Variants in NTM observed in about 807,000 individuals in gnomAD.
The protein encoded by NTM is neurotrimin.
Under a neutral mutation model 42.1 loss-of-function variants are expected in NTM, and 13 were observed. The ratio of observed to expected loss-of-function variants is 0.31; its 90% CI spans 0.20 to 0.49. The LOEUF (loss-of-function observed/expected upper bound fraction) is 0.49, where lower values mean the gene tolerates loss of function less well. Ranked by LOEUF, NTM falls within the 20% of genes least tolerant of loss-of-function variation. The pLI is 0.99. For synonymous variants in NTM, 187 were observed against 179.2 expected, an observed-to-expected ratio of 1.04 and a Z score of -0.35; for missense variants, 373 against 452.8, an observed-to-expected ratio of 0.82 and a Z score of 1.60.
intron 2 of NTM, among the ~76,000 whole-genome samples, chr11:132,091,671 G>C (rs891164077): frequency 1.3e-5 from 2 of 151,734 alleles, no homozygotes; most frequent in African/African-American, 4.8e-5. Flanking sequence ...TGTATACTTG[G>C]TGGTCTGCTT....
At chr11:132,303,089 T>G (rs2094926175) in intron 4 of NTM, among the ~76,000 whole-genome samples, 1 of 152,148 alleles carries the variant, frequency 6.6e-6, no homozygotes, top group Non-Finnish European at 1.5e-5. Context: ...GCTCTTTAAT[T>G]CTGTTATGAT....
At chr11:132,153,972 TA>T (rs1012095425) in intron 3 of NTM, among the ~76,000 whole-genome samples, 1 of 152,156 alleles carries the variant, frequency 6.6e-6, no homozygotes, top group African/African-American at 2.4e-5. Context: ...CAATGGGCAG[TA>T]GAGTTTTTTA....
chr11:132,049,671 C>T lies in NTM; in HGVS notation c.168-96611C>T, dbSNP rs371344519. Among the ~76,000 whole-genome samples, 109 of 152,266 alleles carry T rather than the reference C, an allele frequency of 7.2e-4. 2 individuals are homozygous for T. The South Asian group carries it at 0.021, about 29-fold the overall frequency. On this transcript the variant is annotated intron_variant, in intron 2 of 8. Coordinates refer to ENST00000683400, the MANE Select transcript of NTM (RefSeq NM_001352005.2). ...CAGGTTTTGCCTATCTCAATGGCAG[C>T]GTGACTGGTGGGATGTGACACCTCT...
At chr11:132,177,316 T>A (rs1019950488) in intron 3 of NTM, among the ~76,000 whole-genome samples, 3 of 152,236 alleles carry the variant, frequency 2.0e-5, no homozygotes, top group African/African-American at 4.8e-5. Context: ...AAACTCTTTT[T>A]CATTCAGATT....
At chr11:131,667,376 G>A (rs1021405970) in intron 1 of NTM, among the ~76,000 whole-genome samples, 9 of 152,238 alleles carry the variant, frequency 5.9e-5, no homozygotes, top group Middle Eastern at 3.4e-3. Flanking sequence ...TAATTCAACC[G>A]AAGACCCTTC....
intron 1 of NTM, among the ~76,000 whole-genome samples, chr11:131,456,002 T>C (rs892132016): frequency 7.2e-5 from 11 of 152,240 alleles, no homozygotes; most frequent in Non-Finnish European, 1.3e-4. Flanking sequence ...AGAAAGTTCA[T>C]TGGCACTAGC....
intron 3 of NTM, among the ~76,000 whole-genome samples, chr11:132,184,897 C>T (rs10791218): frequency 0.4 from 60,275 of 151,984 alleles, 12,715 homozygotes; most frequent in Middle Eastern, 0.55. Flanking sequence ...AATTCAGAAA[C>T]GGTGTGGCTG....
chr11:132,138,012 T>C (rs2137188640), intron 2 of NTM, among the ~76,000 whole-genome samples: 1 of 152,314 alleles, frequency 6.6e-6, no homozygotes, highest in Middle Eastern at 3.4e-3. Context: ...GCCAGTATTT[T>C]CCCCAGCTCC....
intron 4 of NTM, among the ~76,000 whole-genome samples, chr11:132,284,055 C>T (rs1211427230): frequency 6.6e-6 from 1 of 152,166 alleles, no homozygotes; most frequent in Non-Finnish European, 1.5e-5. Context: ...AAAGGACTGT[C>T]CCAGCCCCTG....
intron 1 of NTM, among the ~76,000 whole-genome samples, chr11:131,554,740 T>G (rs2055172113): frequency 2.0e-5 from 3 of 152,098 alleles, no homozygotes; most frequent in Admixed American, 2.0e-4. Context: ...AGTAATTAGG[T>G]TGCAACAATG....
At chr11:131,750,541 G>A (rs1303460811) in intron 1 of NTM, among the ~76,000 whole-genome samples, 1 of 152,132 alleles carries the variant, frequency 6.6e-6, no homozygotes, top group Non-Finnish European at 1.5e-5. Flanking sequence ...AGACCAAGTG[G>A]CCTCCTGACC....
chr11:131,995,035 C>G (rs1049963137), intron 2 of NTM, among the ~76,000 whole-genome samples: 3 of 152,092 alleles, frequency 2.0e-5, no homozygotes, highest in African/African-American at 7.2e-5. Context: ...CTCTTATTTG[C>G]ATTATTGAAA....
chr11:132,034,817 C>T (rs1038742558), intron 2 of NTM, among the ~76,000 whole-genome samples: 10 of 152,270 alleles, frequency 6.6e-5, no homozygotes, highest in Admixed American at 4.6e-4. Flanking sequence ...CATTGATGAC[C>T]ACAGTTCTCC....
intron 1 of NTM, among the ~76,000 whole-genome samples, chr11:131,575,614 C>T (rs1391813143): frequency 2.6e-5 from 4 of 152,184 alleles, no homozygotes; most frequent in Admixed American, 1.3e-4. Flanking sequence ...TACCTTTCTG[C>T]AATTCCCAGC....
chr11:132,004,982 G>C (rs567645914), intron 2 of NTM, among the ~76,000 whole-genome samples: 1 of 152,120 alleles, frequency 6.6e-6, no homozygotes, highest in Admixed American at 6.5e-5. Flanking sequence ...GAATGACAAC[G>C]GGATGCTAGG....
intron 1 of NTM, among the ~76,000 whole-genome samples, chr11:131,817,593 C>T (rs573501594): frequency 2.3e-4 from 35 of 152,300 alleles, no homozygotes; most frequent in East Asian, 7.7e-4. Flanking sequence ...GGAGAGCCCA[C>T]CTGAACATTC....
intron 2 of NTM, among the ~76,000 whole-genome samples, chr11:131,970,405 T>C (rs866772158): frequency 1.3e-5 from 2 of 152,234 alleles, no homozygotes; most frequent in Non-Finnish European, 2.9e-5. Flanking sequence ...GATTTGGTAC[T>C]GAGCTGTCAT....
At chr11:132,290,734 G>T (rs1195184007) in intron 4 of NTM, among the ~76,000 whole-genome samples, 1 of 152,104 alleles carries the variant, frequency 6.6e-6, no homozygotes, top group Non-Finnish European at 1.5e-5. Context: ...TGTAATAAGT[G>T]TTACCATTTT....
At chr11:132,047,535 C>G (rs1003202261) in intron 2 of NTM, among the ~76,000 whole-genome samples, 1 of 152,210 alleles carries the variant, frequency 6.6e-6, no homozygotes, top group Admixed American at 6.5e-5. Flanking sequence ...TATTTTGAAG[C>G]AAAAGCTCCA....
Sources: allele counts gnomAD v4.1 joint callset (sites outside exome capture counted in the v4.1 genomes callset), GRCh38; gene constraint gnomAD v4.1.1; transcripts MANE v1.5; gene names NCBI Gene and HGNC (gene_info 2026-07-23, HGNC 2026-07-21).